Variants in ARHGAP6 observed in about 807,000 individuals in gnomAD.
The protein encoded by ARHGAP6 is rho GTPase-activating protein 6.
ARHGAP6 carries 16 observed loss-of-function variants against 55.7 expected under a neutral mutation model. The ratio of observed to expected loss-of-function variants is 0.29; its 90% CI spans 0.19 to 0.44. The LOEUF (loss-of-function observed/expected upper bound fraction) is 0.44. Among genes scored for constraint, ARHGAP6 ranks in the 20% least tolerant of loss-of-function variants. The pLI, the probability that ARHGAP6 is intolerant of heterozygous loss-of-function variation, is 1.00. For missense variants in ARHGAP6, 698 were observed against 808.9 expected, an observed-to-expected ratio of 0.86 and a Z score of 1.66; for synonymous variants, 382 against 360.9, an observed-to-expected ratio of 1.06 and a Z score of -0.66.
chrX:11,157,142 C>T (rs1358264701), intron 9 of ARHGAP6, among the ~76,000 whole-genome samples: 1 of 111,811 alleles, frequency 8.9e-6, no homozygotes, highest in Non-Finnish European at 1.9e-5. Flanking sequence ...AGCTGTGGGA[C>T]CCTTGACAAC....
intron 8 of ARHGAP6, among the ~76,000 whole-genome samples, chrX:11,176,057 T>A (rs188962692): frequency 2.0e-4 from 20 of 101,374 alleles, no homozygotes; most frequent in African/African-American, 7.1e-4. Context: ...CCAGTGACTA[T>A]GGGGTCCATG....
At chrX:11,579,308 AC>A (rs2147116849) in intron 1 of ARHGAP6, among the ~76,000 whole-genome samples, 1 of 111,889 alleles carries the variant, frequency 8.9e-6, no homozygotes, top group East Asian at 2.8e-4. Flanking sequence ...AAACATCTCT[AC>A]TTGCCTTCTG....
At chrX:11,339,754 T>A (rs1212452130) in intron 1 of ARHGAP6, among the ~76,000 whole-genome samples, 2 of 111,589 alleles carry the variant, frequency 1.8e-5, no homozygotes, top group Admixed American at 1.9e-4. Flanking sequence ...TCTAGGGGCA[T>A]CACATCTCCA....
At chrX:11,282,552 T>C (rs2047870384) in intron 1 of ARHGAP6, among the ~76,000 whole-genome samples, 1 of 112,430 alleles carries the variant, frequency 8.9e-6, no homozygotes, top group Admixed American at 9.4e-5. Context: ...ACTTCTCATA[T>C]ACAGTAAAGG....
At position 11,138,216 on chromosome X, in the gene ARHGAP6, C is replaced by T. The variant is rs897396390; in HGVS notation, c.*647G>A. The T allele has an allele frequency of 8.9e-6, 1 of 112,044 alleles. No homozygotes were observed. Among genetic ancestry groups the T allele is most frequent in the Non-Finnish European group, 1.9e-5 (1 of 53,174 alleles). The allele number at this position is 112,044 out of a possible 1,213,427, so 9.2% of individuals were successfully genotyped here. On this transcript the variant is annotated 3_prime_UTR_variant, in exon 13 of 13. Transcript: ENST00000337414. ...ATCAGATTTAGCATTTTCCTGAAAA[C>T]GTATTCAATATCTAAAAGCATTCAG... is the stretch of plus-strand genomic sequence containing the variant.
intron 5 of ARHGAP6, among the ~76,000 whole-genome samples, chrX:11,185,164 G>GTGTGTGTGTGTGTGTA (rs1484049571): frequency 0.015 from 1,691 of 110,592 alleles, 15 homozygotes; most frequent in Non-Finnish European, 0.025. Context: ...GTGTGTGTGT[G>GTGTGTGTGTGTGTGTA]TGTGTGTGTG....
At chrX:11,662,589 A>G in intron 1 of ARHGAP6, among the ~76,000 whole-genome samples, 1 of 112,510 alleles carries the variant, frequency 8.9e-6, no homozygotes, top group Non-Finnish European at 1.9e-5. Context: ...ATCCTTGTCC[A>G]TTAATTATGA....
intron 1 of ARHGAP6, among the ~76,000 whole-genome samples, chrX:11,657,066 G>GGCTTT (rs1301886355): frequency 8.9e-6 from 1 of 111,786 alleles, no homozygotes; most frequent in Admixed American, 9.5e-5. Flanking sequence ...TGGCCAGCTT[G>GGCTTT]GCTTTGCTGG....
At chrX:11,140,196 A>T (rs191644334) in intron 12 of ARHGAP6, among the ~76,000 whole-genome samples, 1,012 of 97,432 alleles carry the variant, frequency 0.01, 11 homozygotes, top group African/African-American at 0.036. Flanking sequence ...GAACTAAAAA[A>T]AAAAATAAAA....
chrX:11,176,304 T>C (rs1486564121), intron 8 of ARHGAP6, among the ~76,000 whole-genome samples: 1 of 8,513 alleles, frequency 1.2e-4, no homozygotes, highest in East Asian at 2.9e-3. Flanking sequence ...TGCATGCATA[T>C]ATATATATAT....
intron 1 of ARHGAP6, chrX:11,296,724 T>C: frequency 8.8e-7 from 1 of 1,132,202 alleles, no homozygotes. Flanking sequence ...CTTCTCTTCC[T>C]TCACTCTCTC....
At chrX:11,472,987 AC>A (rs1388358110) in intron 1 of ARHGAP6, among the ~76,000 whole-genome samples, 41 of 110,605 alleles carry the variant, frequency 3.7e-4, no homozygotes, top group African/African-American at 1.1e-3. Context: ...CTAATAGGTC[AC>A]CCCTGACCGC....
At chrX:11,293,838 CCAAA>C (rs955858870) in intron 1 of ARHGAP6, among the ~76,000 whole-genome samples, 34 of 111,117 alleles carry the variant, frequency 3.1e-4, no homozygotes, top group African/African-American at 9.8e-4. Flanking sequence ...TCTCATTAAC[CCAAA>C]CAAACAAACA....
At chrX:11,283,114 G>A (rs992498649) in intron 1 of ARHGAP6, among the ~76,000 whole-genome samples, 2 of 111,508 alleles carry the variant, frequency 1.8e-5, no homozygotes, top group Admixed American at 1.9e-4. Flanking sequence ...AGGCTTGACA[G>A]AGATTCAGCA....
chrX:11,256,625 G>A (rs1304814520), intron 1 of ARHGAP6, among the ~76,000 whole-genome samples: 2 of 111,321 alleles, frequency 1.8e-5, no homozygotes, highest in Admixed American at 9.5e-5. Context: ...GAAAATGAAC[G>A]GGGTAAGTAA....
At chrX:11,253,136 T>G (rs1477915671) in intron 2 of ARHGAP6, among the ~76,000 whole-genome samples, 1 of 110,876 alleles carries the variant, frequency 9.0e-6, no homozygotes. Flanking sequence ...TCCTATTTAT[T>G]ATAGGGTGTT....
intron 1 of ARHGAP6, among the ~76,000 whole-genome samples, chrX:11,494,796 G>A (rs1000576288): frequency 9.0e-6 from 1 of 111,712 alleles, no homozygotes; most frequent in African/African-American, 3.3e-5. Flanking sequence ...TATCTGGGGA[G>A]TTTTGCAGAA....
chrX:11,199,196 G>A lies in ARHGAP6; in HGVS notation c.749-2200C>T, dbSNP rs777095888. Among the ~76,000 whole-genome samples, 4 of 112,067 alleles carry A rather than the reference G, an allele frequency of 3.6e-5. No homozygotes were observed. In the South Asian group the frequency reaches 1.5e-3, roughly 42 times the overall value. ...TTCATTTCCTCATTGAACTGTTGAT[G>A]GTATTTGAGTTGTTTCTAGCTTGGG... On this transcript the variant is annotated intron_variant, in intron 2 of 12. Coordinates refer to ENST00000337414, the MANE Select transcript of ARHGAP6 (RefSeq NM_013427.3).
intron 1 of ARHGAP6, among the ~76,000 whole-genome samples, chrX:11,547,148 C>T (rs1362050535): frequency 8.9e-6 from 1 of 112,454 alleles, no homozygotes; most frequent in Non-Finnish European, 1.9e-5. Context: ...AACACTTCCA[C>T]TGCAGTGTGG....
Sources: gnomAD v4.1 joint callset for allele counts (sites outside exome capture counted in the v4.1 genomes callset) on GRCh38, gnomAD v4.1.1 for gene constraint, MANE v1.5 for transcripts, NCBI Gene and HGNC (gene_info 2026-07-23, HGNC 2026-07-21) for gene names.